The following PHF19 variants were observed in gnomAD, a reference collection of about 807,000 sequenced individuals.
PHF19 encodes the protein polycomb like 3.
PHF19 carries 21 observed loss-of-function variants against 79.8 expected under a neutral mutation model. The observed-to-expected ratio is 0.26, with a 90% CI of 0.19 to 0.38. PHF19 has a LOEUF of 0.38. PHF19 is among the 10% of genes least tolerant of loss of function. The probability of loss-of-function intolerance (pLI) is 1.00; values close to 1 mark genes in which losing one functional copy is unlikely to be tolerated. For synonymous variants in PHF19, 273 were observed against 296.3 expected, an observed-to-expected ratio of 0.92 and a Z score of 0.81; for missense variants, 445 against 744.2, an observed-to-expected ratio of 0.60 and a Z score of 4.68.
intron 6 of PHF19, among the ~76,000 whole-genome samples, chr9:120,867,217 A>G (rs1162284207): frequency 6.6e-6 from 1 of 152,216 alleles, no homozygotes; most frequent in African/African-American, 2.4e-5. Context: ...GGCTTGCCCT[A>G]GCTCACAGGC....
chr9:120,894,140 C>T (rs1401143796), intron 1 of PHF19, among the ~76,000 whole-genome samples: 1 of 152,166 alleles, frequency 6.6e-6, no homozygotes, highest in African/African-American at 2.4e-5. Context: ...ATGGCAGTGG[C>T]TTCTGGAAGG....
chr9:120,867,561 G>A (rs967881590), intron 6 of PHF19, among the ~76,000 whole-genome samples: 10 of 152,236 alleles, frequency 6.6e-5, no homozygotes, highest in Admixed American at 2.0e-4. Context: ...TTGGTCCACT[G>A]CAGACCTATT....
At chr9:120,882,064 C>T (rs2046194097), upstream of PHF19, among the ~76,000 whole-genome samples, 1 of 152,180 alleles carries the variant, frequency 6.6e-6, no homozygotes, top group Admixed American at 6.5e-5. Flanking sequence ...CTGGCCCACC[C>T]TTCTCTTTTA....
intron 14 of PHF19, among the ~76,000 whole-genome samples, chr9:120,859,230 C>CT (rs2045444476): frequency 1.6e-5 from 2 of 127,566 alleles, no homozygotes; most frequent in Non-Finnish European, 3.4e-5. Flanking sequence ...ATACCATTGT[C>CT]CTTTTTTTTT....
chr9:120,857,662 G>T lies in PHF19; in HGVS notation c.*282C>A. ...TCAGGAGGAAGGGTCCCAGCGCAGG[G>T]GACACAAGGTCAGAGAACAGATAAA... is the stretch of plus-strand genomic sequence containing the variant. On this transcript the variant is annotated 3_prime_UTR_variant, in exon 15 of 15. Transcript: ENST00000373896. 1 of 357,080 alleles carries T rather than the reference G, an allele frequency of 2.8e-6. No individual in the cohort carries two copies. 22.1% of individuals were successfully genotyped at this position (357,080 alleles called of 1,614,324 possible). A position where few individuals can be genotyped will look rare whatever the true frequency, so the allele number is the denominator to read the frequency against.
upstream of PHF19, among the ~76,000 whole-genome samples, chr9:120,878,121 G>A (rs1478685009): frequency 6.6e-6 from 1 of 152,136 alleles, no homozygotes; most frequent in African/African-American, 2.4e-5. Flanking sequence ...CACAAAAGAG[G>A]AAACCTACAT....
intron 3 of PHF19, among the ~76,000 whole-genome samples, chr9:120,871,147 C>T (rs537479934): frequency 6.6e-6 from 1 of 152,340 alleles, no homozygotes; most frequent in South Asian, 2.1e-4. Flanking sequence ...AAGTGATCCA[C>T]CTGCCTTGGC....
At chr9:120,898,159 C>T (rs2046416964), upstream of PHF19, among the ~76,000 whole-genome samples, 1 of 152,182 alleles carries the variant, frequency 6.6e-6, no homozygotes, top group Admixed American at 6.5e-5. Flanking sequence ...CTCTGTCTCC[C>T]AGGCTGGAGT....
At chr9:120,895,971 G>A (rs141696908), upstream of PHF19, among the ~76,000 whole-genome samples, 8 of 152,222 alleles carry the variant, frequency 5.3e-5, no homozygotes, top group Admixed American at 5.2e-4. Context: ...CACTTTAAGT[G>A]GGTAAATTGT....
At chr9:120,872,140 G>A (rs1476449478) in intron 3 of PHF19, among the ~76,000 whole-genome samples, 1 of 150,166 alleles carries the variant, frequency 6.7e-6, no homozygotes, top group East Asian at 2.0e-4. Context: ...GTTCCAAGAC[G>A]TTTGTTGAAT....
At position 120,869,068 on chromosome 9, in the gene PHF19, C is replaced by T. The variant is rs2045807368; in HGVS notation, c.614+114G>A. 4 of 1,225,270 alleles carry T rather than the reference C, an allele frequency of 3.3e-6. No individual in the cohort carries two copies. The highest frequency in any genetic ancestry group is 4.4e-6 in the Non-Finnish European group (4 of 911,968). The allele number at this position is 1,225,270 out of a possible 1,614,324, so 75.9% of individuals were successfully genotyped here. On this transcript the variant is annotated intron_variant, in intron 6 of 14. Coordinates refer to ENST00000373896, the MANE Select transcript of PHF19 (RefSeq NM_015651.3). The surrounding 1 kb of genome is among the most constrained non-coding windows in gnomAD (Gnocchi z 5.8). ...CCACAGCGCAACACACTGGGCCCGC[C>T]CTCAAGGTCCCCGCCTTGGCTGACA...
intron 3 of PHF19, among the ~76,000 whole-genome samples, chr9:120,871,986 C>T (rs1159561594): frequency 3.2e-5 from 4 of 125,810 alleles, no homozygotes; most frequent in Admixed American, 1.1e-4. Flanking sequence ...TGCTGTGAGC[C>T]GAGATCAAGC....
chr9:120,868,817 G>T (rs1405288535), intron 6 of PHF19: 2 of 1,036,610 alleles, frequency 1.9e-6, no homozygotes, highest in Non-Finnish European at 2.3e-6. Flanking sequence ...CCTCCCTGGG[G>T]CCCTGCTTGG....
In PHF19 at chr9:120,869,797, A is replaced by C. The variant is rs1364438548; in HGVS notation, c.465+48T>G. The C allele has an allele frequency of 6.2e-7, 1 of 1,611,176 alleles. No homozygotes were observed. Among genetic ancestry groups the C allele is most frequent in the Admixed American group, 1.7e-5 (1 of 59,674 alleles). ...GTGATGGGAGTCTCTGGTCTGCCCCACTGGAGGAGGCAGGAGAGGCAGGGA... is the reference window on the plus strand; with the variant it reads ...GTGATGGGAGTCTCTGGTCTGCCCCCCTGGAGGAGGCAGGAGAGGCAGGGA... On this transcript the variant is annotated intron_variant, in intron 5 of 14. Coordinates refer to ENST00000373896, the MANE Select transcript of PHF19 (RefSeq NM_015651.3). The surrounding 1 kb of genome is among the most constrained non-coding windows in gnomAD (Gnocchi z 5.8).
At position 120,866,206 on chromosome 9, in the gene PHF19, A is replaced by C; in HGVS notation, c.711-110T>G. ...CCACCTACCTTCCCATAATCTTCTCACTCCTAGGACTGCTGGCCACTGGGG... is the reference window on the plus strand; with the variant it reads ...CCACCTACCTTCCCATAATCTTCTCCCTCCTAGGACTGCTGGCCACTGGGG... On this transcript the variant is annotated intron_variant, in intron 7 of 14. Coordinates refer to ENST00000373896, the MANE Select transcript of PHF19 (RefSeq NM_015651.3). This position sits in a 1 kb window ranked among gnomAD's most constrained non-coding sequence, Gnocchi z 5.2. 1 of 799,978 alleles carries C rather than the reference A, an allele frequency of 1.3e-6. No homozygotes were observed. 49.6% of individuals were successfully genotyped at this position (799,978 alleles called of 1,614,324 possible). A position where few individuals can be genotyped will look rare whatever the true frequency, so the allele number is the denominator to read the frequency against.
Position 120,891,554 on chromosome 9 carries a change from C to T in PHF19, c.42+3234G>A, listed in dbSNP as rs978721331. On this transcript the variant is annotated intron_variant, in intron 1 of 14. Coordinates refer to the PHF19 transcript ENST00000616568. This position sits in a 1 kb window ranked among gnomAD's most constrained non-coding sequence, Gnocchi z 4.3. ...TTCAAGGTGCAGCCCAGGTGGAGCG[C>T]CACCATAATTTACAGCACACGACTC... Among the ~76,000 whole-genome samples the T allele has an allele frequency of 6.6e-6, 1 of 152,118 alleles. No individual in the cohort carries two copies. Among genetic ancestry groups the T allele is most frequent in the African/African-American group, 2.4e-5 (1 of 41,412 alleles).
At chr9:120,881,145 G>A (rs1189448392), upstream of PHF19, among the ~76,000 whole-genome samples, 1 of 51,714 alleles carries the variant, frequency 1.9e-5, no homozygotes, top group Non-Finnish European at 3.6e-5. Flanking sequence ...CACATCGGGG[G>A]TTTGTTTTTT....
rs2045713781 is a variant in PHF19 at position 120,866,731 on chromosome 9, TCCA to T, written c.710+136_710+138del. The T allele has an allele frequency of 1.6e-6, 1 of 622,626 alleles. No individual in the cohort carries two copies. The highest frequency in any genetic ancestry group is 3.0e-6 in the Non-Finnish European group (1 of 336,364). The allele number at this position is 622,626 out of a possible 1,614,324, so 38.6% of individuals were successfully genotyped here. A position where few individuals can be genotyped will look rare whatever the true frequency, so the allele number is the denominator to read the frequency against. On this transcript the variant is annotated intron_variant, in intron 7 of 14. Coordinates refer to ENST00000373896, the MANE Select transcript of PHF19 (RefSeq NM_015651.3). The surrounding 1 kb of genome is among the most constrained non-coding windows in gnomAD (Gnocchi z 5.2). ...AGGGGATCCCCTACCTTGAGCTGCCTCCAGTAAACAGGTAGGCATACATTGTCA... is the reference window on the plus strand; with the variant it reads ...AGGGGATCCCCTACCTTGAGCTGCCTGTAAACAGGTAGGCATACATTGTCA...
chr9:120,859,200 G>A (rs1302484027), intron 14 of PHF19, among the ~76,000 whole-genome samples: 2 of 146,834 alleles, frequency 1.4e-5, no homozygotes, highest in Non-Finnish European at 3.0e-5. Flanking sequence ...CAGACTCCAA[G>A]ACAGACCTCT....
Sources: allele counts gnomAD v4.1 joint callset (sites outside exome capture counted in the v4.1 genomes callset), GRCh38; gene constraint gnomAD v4.1.1; non-coding constraint Gnocchi (gnomAD v3.1); transcripts MANE v1.5; gene names NCBI Gene and HGNC (gene_info 2026-07-23, HGNC 2026-07-21).